Variants in ZNF277 observed in about 807,000 individuals in gnomAD.
The protein encoded by ZNF277 is nuclear receptor-interacting factor 4.
ZNF277 carries 55 observed loss-of-function variants against 60.7 expected under a neutral mutation model. The ratio of observed to expected loss-of-function variants is 0.91; its 90% CI spans 0.73 to 1.13. The LOEUF is 1.13. ZNF277 is among the 50% of genes most tolerant of loss of function. ZNF277 has a pLI of 0.00. For missense variants in ZNF277, 510 were observed against 523.0 expected (o/e 0.98, Z 0.24); for synonymous variants, 178 against 179.3 (o/e 0.99, Z 0.06).
At chr7:112,271,335 T>C (rs1306255508) in intron 1 of ZNF277, among the ~76,000 whole-genome samples, 2 of 152,188 alleles carry the variant, frequency 1.3e-5, no homozygotes, top group Non-Finnish European at 2.9e-5. Context: ...ATCATTTTAT[T>C]CCCTCATCCT....
intron 1 of ZNF277, among the ~76,000 whole-genome samples, chr7:112,228,042 G>A (rs1042016476): frequency 6.6e-6 from 1 of 151,922 alleles, no homozygotes; most frequent in Non-Finnish European, 1.5e-5. Context: ...GCAGGGCTAC[G>A]CTCTCTTTGA....
intron 5 of ZNF277, among the ~76,000 whole-genome samples, chr7:112,318,832 A>T (rs1237663747): frequency 2.0e-5 from 3 of 152,082 alleles, no homozygotes. Context: ...AGGGCTACCC[A>T]AAGTTTTGAC....
chr7:112,260,201 G>A (rs991547580), intron 1 of ZNF277, among the ~76,000 whole-genome samples: 30 of 152,266 alleles, frequency 2.0e-4, no homozygotes, highest in African/African-American at 6.5e-4. Context: ...AGGAAGTTGA[G>A]GCTGCAGTGA....
intron 1 of ZNF277, among the ~76,000 whole-genome samples, chr7:112,259,247 T>C (rs1791390134): frequency 6.6e-6 from 1 of 152,164 alleles, no homozygotes; most frequent in Admixed American, 6.5e-5. Flanking sequence ...TTTGCATAAA[T>C]TAAACAGAGT....
intron 1 of ZNF277, among the ~76,000 whole-genome samples, chr7:112,283,200 T>G (rs1791986170): frequency 2.0e-5 from 3 of 152,180 alleles, no homozygotes; most frequent in Admixed American, 2.0e-4. Context: ...CAGAGAAAAC[T>G]TTAAAATCTT....
intron 8 of ZNF277, 102 bp from the exon 9 acceptor site, chr7:112,337,628 G>C (rs1050353230): frequency 1.1e-6 from 1 of 894,232 alleles, no homozygotes; most frequent in Admixed American, 2.3e-5. Context: ...GAAAGAGATT[G>C]GCAGGGTTTT....
intron 1 of ZNF277, among the ~76,000 whole-genome samples, chr7:112,282,316 G>A (rs1791965483): frequency 1.3e-5 from 2 of 152,264 alleles, no homozygotes; most frequent in African/African-American, 4.8e-5. Flanking sequence ...TAGTACAAAT[G>A]CATCACATAA....
At chr7:112,218,753 A>G (rs1239790510) in intron 1 of ZNF277, among the ~76,000 whole-genome samples, 1 of 152,194 alleles carries the variant, frequency 6.6e-6, no homozygotes, top group African/African-American at 2.4e-5. Flanking sequence ...TTAACTTCGC[A>G]TTCTCCAGGT....
At chr7:112,253,079 A>G (rs1375016629) in intron 1 of ZNF277, among the ~76,000 whole-genome samples, 1 of 152,184 alleles carries the variant, frequency 6.6e-6, no homozygotes, top group Non-Finnish European at 1.5e-5. Flanking sequence ...ATGCGCAGGG[A>G]AAAGGTAAAT....
chr7:112,295,975 C>G lies in ZNF277; in HGVS notation c.382+18C>G. On this transcript the variant is annotated intron_variant, in intron 3 of 11. Coordinates refer to ENST00000361822, the MANE Select transcript of ZNF277 (RefSeq NM_021994.3). ...TCCATTTGGTAAGTGTACATCTTGG[C>G]TACCATCTTTTCCCTACAGTATAAA... The G allele has an allele frequency of 1.3e-6, 2 of 1,553,718 alleles. No homozygotes were observed. The highest frequency in any genetic ancestry group is 1.8e-6 in the Non-Finnish European group (2 of 1,125,576).
At chr7:112,210,849 T>C (rs548508283) in intron 1 of ZNF277, among the ~76,000 whole-genome samples, 2 of 152,312 alleles carry the variant, frequency 1.3e-5, no homozygotes, top group Admixed American at 1.3e-4. Context: ...CTCCTAAAAT[T>C]AAGAACAGAT....
At chr7:112,261,269 G>A (rs1587127479) in intron 1 of ZNF277, among the ~76,000 whole-genome samples, 2 of 152,194 alleles carry the variant, frequency 1.3e-5, no homozygotes, top group Non-Finnish European at 2.9e-5. Flanking sequence ...AGTTTCAGTA[G>A]TAAAGTACAT....
intron 1 of ZNF277, among the ~76,000 whole-genome samples, chr7:112,210,160 T>A (rs1821698796): frequency 6.6e-6 from 1 of 152,164 alleles, no homozygotes; most frequent in African/African-American, 2.4e-5. Context: ...AATAAAATTT[T>A]TAAAAAACAT....
rs765225312 is a variant in ZNF277 at position 112,337,759 on chromosome 7, C to A, written c.899C>A (p.Ala300Asp). Residue 300 changes from alanine (A) to aspartate (D), a missense_variant, in exon 9 of 12, where the codon GCC (alanine) becomes GAC (aspartate). Coordinates refer to ENST00000361822, the MANE Select transcript of ZNF277 (RefSeq NM_021994.3). The stretch of plus-strand genomic sequence containing the variant: ...TGGTCTGATTGGGAAGAACACCCTG[C>A]CTCTGCAGTCTGCTTATTTTGTGAA... ...DDWSDWEEHPASAVCLFCEKQ... is the reference protein window; with the variant it reads ...DDWSDWEEHPDSAVCLFCEKQ... 6.2e-7 allele frequency: 1 copy of A among 1,612,380 alleles called. No homozygotes were observed. Among genetic ancestry groups the A allele is most frequent in the Non-Finnish European group, 8.5e-7 (1 of 1,179,470 alleles).
rs10710470 is a variant in ZNF277, at chr7:112,286,841, C to CTTTTTTTTTTTTTTTTT, written c.92-29_92-13dup. On this transcript the variant is annotated intron_variant, in intron 1 of 11. Transcript: ENST00000361822. ...AGTTGGTTTCAGCTTTTCTTTCTTT[C>CTTTTTTTTTTTTTTTTT]TTTTTTTTTTTTTTTTTTTGGTCTA... is the stretch of plus-strand genomic sequence containing the variant. The CTTTTTTTTTTTTTTTTT allele has an allele frequency of 3.6e-4, 344 of 952,386 alleles. 31 individuals carry two copies. The highest frequency in any genetic ancestry group is 1.7e-3 in the African/African-American group (60 of 35,756). 59.0% of individuals were successfully genotyped at this position (952,386 alleles called of 1,614,324 possible). A position where few individuals can be genotyped will look rare whatever the true frequency, so the allele number is the denominator to read the frequency against.
chr7:112,226,847 T>C (rs1020767816), intron 1 of ZNF277, among the ~76,000 whole-genome samples: 12 of 152,174 alleles, frequency 7.9e-5, no homozygotes, highest in Admixed American at 2.0e-4. Context: ...TAGTATGATA[T>C]AGAGGAATTT....
intron 1 of ZNF277, among the ~76,000 whole-genome samples, chr7:112,250,017 C>A (rs970904483): frequency 1.3e-5 from 2 of 152,046 alleles, no homozygotes; most frequent in Admixed American, 6.5e-5. Flanking sequence ...CTCTGACCGC[C>A]GGTGAGCCGG....
chr7:112,256,757 T>C (rs1380659279), intron 1 of ZNF277, among the ~76,000 whole-genome samples: 1 of 152,060 alleles, frequency 6.6e-6, no homozygotes, highest in Non-Finnish European at 1.5e-5. Flanking sequence ...ATTAATACAG[T>C]TTAAAGCTGG....
intron 1 of ZNF277, among the ~76,000 whole-genome samples, chr7:112,251,825 G>A (rs1281968543): frequency 6.6e-6 from 1 of 152,176 alleles, no homozygotes; most frequent in Admixed American, 6.5e-5. Flanking sequence ...TCATTTTATA[G>A]ATCTATGAAA....
Sources: gnomAD v4.1 joint callset for allele counts (sites outside exome capture counted in the v4.1 genomes callset) on GRCh38, gnomAD v4.1.1 for gene constraint, MANE v1.5 for transcripts, NCBI Gene and HGNC (gene_info 2026-07-23, HGNC 2026-07-21) for gene names.